GNRH1: variants seen among roughly 807,000 people sequenced by gnomAD.
GNRH1 encodes the protein progonadoliberin-1.
Under a neutral mutation model 13.6 loss-of-function variants are expected in GNRH1, and 9 were observed. The ratio of observed to expected loss-of-function variants is 0.66; its 90% CI spans 0.40 to 1.15. The LOEUF is 1.15. Among genes scored for constraint, GNRH1 ranks in the 50% most tolerant of loss-of-function variants. The pLI is 0.01. For missense variants in GNRH1, 116 were observed against 110.8 expected (o/e 1.05, Z -0.21); for synonymous variants, 44 against 40.1 (o/e 1.10, Z -0.37).
At chr8:25,422,383 TA>T (rs1801784498) in intron 2 of GNRH1, among the ~76,000 whole-genome samples, 1 of 152,026 alleles carries the variant, frequency 6.6e-6, no homozygotes, top group Non-Finnish European at 1.5e-5. Flanking sequence ...CCCATCTCTA[TA>T]AAAAGTTTTA....
At chr8:25,421,968 A>T (rs1175526707) in intron 2 of GNRH1, among the ~76,000 whole-genome samples, 1 of 150,704 alleles carries the variant, frequency 6.6e-6, no homozygotes, top group Non-Finnish European at 1.5e-5. Flanking sequence ...CCAAAAAAAC[A>T]AAAAGCAAAA....
Position 25,421,614 on chromosome 8 carries a change from G to T in GNRH1, c.196C>A (p.His66Asn). The T allele has an allele frequency of 6.2e-7, 1 of 1,606,438 alleles. No homozygotes were observed. The highest frequency in any genetic ancestry group is 8.5e-7 in the Non-Finnish European group (1 of 1,174,802). ...TCTCGGAGGGGAGAACGTGGCTGGTGCGTGGTGCATTCGAAGCGTTGGGTT... is the reference window on the plus strand; with the variant it reads ...TCTCGGAGGGGAGAACGTGGCTGGTTCGTGGTGCATTCGAAGCGTTGGGTT... ...AETQRFECTT[H>N]QPRSPLRDLK... The change falls in exon 3 of 4, where the codon CAC becomes AAC. Residue 66 changes from histidine to asparagine, a missense_variant. Transcript: ENST00000421054.
chr8:25,423,403 G>A (rs999827521), intron 1 of GNRH1, 72 bp from the exon 2 acceptor site: 9 of 1,313,118 alleles, frequency 6.9e-6, no homozygotes, highest in Middle Eastern at 1.8e-4. Context: ...CCTCTTTAGT[G>A]AAAAAGCTAG....
In GNRH1 at chr8:25,423,337, G is replaced by A. The variant is rs1384525801; in HGVS notation, c.-1-6C>T. On this transcript the variant is annotated splice_region_variant and splice_polypyrimidine_tract_variant and intron_variant, in intron 1 of 3. Transcript: ENST00000421054. ...GTTTTTGAATTGGCTTCATTCTAAGGCACATGAATGCACAATCAAATTAGA... is the reference window on the plus strand; with the variant it reads ...GTTTTTGAATTGGCTTCATTCTAAGACACATGAATGCACAATCAAATTAGA... 1 of 1,610,206 alleles carries A rather than the reference G, an allele frequency of 6.2e-7. No individual in the cohort carries two copies. The highest frequency in any genetic ancestry group is 8.5e-7 in the Non-Finnish European group (1 of 1,176,620).
Position 25,421,676 on chromosome 8 carries a change from AAG to A in GNRH1, c.142-10_142-9del. 7.0e-7 allele frequency: 1 copy of A among 1,432,634 alleles called. No homozygotes were observed. The highest frequency in any genetic ancestry group is 9.8e-7 in the Non-Finnish European group (1 of 1,016,792). 88.7% of individuals were successfully genotyped at this position (1,432,634 alleles called of 1,614,324 possible). ...ACCAACCTCTTTGACTATCTGAAGA[AAG>A]AGAATGTGATGCTTTGAGATGGAGA... On this transcript the variant is annotated splice_polypyrimidine_tract_variant and intron_variant, in intron 2 of 3. Transcript: ENST00000421054.
chr8:25,423,780 A>C (rs1034775671), intron 1 of GNRH1: 1 of 218,254 alleles, frequency 4.6e-6, no homozygotes, highest in Non-Finnish European at 9.2e-6. Context: ...TTGACATTAC[A>C]TGGCTACCCC....
Position 25,423,257 on chromosome 8 carries a change from T to G in GNRH1, c.74A>C (p.His25Pro), listed in dbSNP as rs1269113498. 6.2e-7 allele frequency: 1 copy of G among 1,612,332 alleles called. No homozygotes were observed. Among genetic ancestry groups the G allele is most frequent in the Non-Finnish European group, 8.5e-7 (1 of 1,178,330 alleles). Reference protein sequence around the residue: ...TWCVEGCSSQHWSYGLRPGGK... With the variant: ...TWCVEGCSSQPWSYGLRPGGK... Reference sequence around the variant, plus strand: ...TCCAGGGCGCAGTCCATAGGACCAGTGCTGGCTGGAGCAGCCTTCCACGCA... The same window carrying G: ...TCCAGGGCGCAGTCCATAGGACCAGGGCTGGCTGGAGCAGCCTTCCACGCA... Residue 25 changes from histidine to proline, a missense_variant, in exon 2 of 4, where the codon CAC (histidine) becomes CCC (proline). By Grantham distance (77) the His-to-Pro change is moderately conservative. Coordinates refer to ENST00000421054, the MANE Select transcript of GNRH1 (RefSeq NM_001083111.2).
At chr8:25,420,923 A>G (rs1176104333) in intron 3 of GNRH1, among the ~76,000 whole-genome samples, 1 of 152,202 alleles carries the variant, frequency 6.6e-6, no homozygotes, top group Non-Finnish European at 1.5e-5. Context: ...GATTCAATTT[A>G]TACATTCAAT....
chr8:25,423,068 C>T (rs1353838720), intron 2 of GNRH1, 122 bp downstream of exon 2: 1 of 821,158 alleles, frequency 1.2e-6, no homozygotes, highest in South Asian at 1.3e-5. Flanking sequence ...AGTGCCTTAT[C>T]TCACCTGGAG....
rs1223801793 is a variant in GNRH1, at chr8:25,423,191, T to C, written c.140A>G (p.Glu47Gly). ...ATTTTGAAGCTGAGAGAAACTTACCTCTTGGAAAGAATCAATCAAATTTTC... is the reference window on the plus strand; with the variant it reads ...ATTTTGAAGCTGAGAGAAACTTACCCCTTGGAAAGAATCAATCAAATTTTC... The part of the protein sequence containing the change: ...DAENLIDSFQ[E>G]IVKEVGQLAE... The change falls in exon 2 of 4, where the codon GAG (glutamate) becomes GGG (glycine). Residue 47 changes from glutamate to glycine, a missense_variant and splice_region_variant. Transcript: ENST00000421054. 6.2e-7 allele frequency: 1 copy of C among 1,607,570 alleles called. No homozygotes were observed. Among genetic ancestry groups the C allele is most frequent in the Non-Finnish European group, 8.5e-7 (1 of 1,174,142 alleles).
intron 3 of GNRH1, among the ~76,000 whole-genome samples, 184 bp from the exon 4 acceptor site, chr8:25,419,644 C>T (rs1359665252): frequency 6.7e-6 from 1 of 148,996 alleles, no homozygotes; most frequent in East Asian, 2.0e-4. Context: ...TTTTTTGAGA[C>T]AGAACCTCAC....
Position 25,421,742 on chromosome 8 carries a change from A to G in GNRH1, c.142-74T>C, listed in dbSNP as rs1801776598. ...TGGTGTTTTCCATTTCCACCAAAAA[A>G]TTGTGGAGAGTGGGGTCAAGGGGGA... is the stretch of plus-strand genomic sequence containing the variant. On this transcript the variant is annotated intron_variant, in intron 2 of 3. Transcript: ENST00000421054. 7.0e-5 allele frequency: 30 copies of G among 430,946 alleles called. 1 individual carries two copies. Among genetic ancestry groups the G allele is most frequent in the South Asian group, 5.1e-4 (30 of 58,256 alleles). 26.7% of individuals were successfully genotyped at this position (430,946 alleles called of 1,614,324 possible).
chr8:25,419,749 G>C (rs1004042830), intron 3 of GNRH1, among the ~76,000 whole-genome samples: 1 of 151,786 alleles, frequency 6.6e-6, no homozygotes, highest in African/African-American at 2.4e-5. Flanking sequence ...AGCCTCTCTA[G>C]TAGTTGGGAT....
At chr8:25,420,953 C>CA (rs1801762250) in intron 3 of GNRH1, among the ~76,000 whole-genome samples, 1 of 152,068 alleles carries the variant, frequency 6.6e-6, no homozygotes, top group African/African-American at 2.4e-5. Flanking sequence ...ACTTTTTCAT[C>CA]AAAAACCTAA....
In GNRH1 at chr8:25,423,798, T is replaced by C. The variant is rs890383544; in HGVS notation, c.-2+403A>G. ...ACATTACATGGCTACCCCATGGTAC[T>C]AATGACATTTTTCTATTTATCCTTC... On this transcript the variant is annotated intron_variant, in intron 1 of 3. Transcript: ENST00000421054. The C allele has an allele frequency of 3.3e-4, 64 of 194,292 alleles. 1 individual carries two copies. The highest frequency in any genetic ancestry group is 3.3e-3 in the Admixed American group (60 of 18,436). 12.0% of individuals were successfully genotyped at this position (194,292 alleles called of 1,614,324 possible).
rs768548646 is a variant in GNRH1 at position 25,421,577 on chromosome 8, G to A, written c.233C>T (p.Ala78Val). The A allele has an allele frequency of 1.3e-6, 2 of 1,546,146 alleles. No individual in the cohort carries two copies. Among genetic ancestry groups the A allele is most frequent in the Admixed American group, 1.7e-5 (1 of 59,872 alleles). Reference sequence around the variant, plus strand: ...GTTATGATCACTTTAACTTACCAGAGCTCCTTTCAGGTCTCGGAGGGGAGA... The same window carrying A: ...GTTATGATCACTTTAACTTACCAGAACTCCTTTCAGGTCTCGGAGGGGAGA... ...PRSPLRDLKGALESLIEEETG... is the reference protein window; with the variant it reads ...PRSPLRDLKGVLESLIEEETG... Residue 78 changes from alanine to valine, a missense_variant, in exon 3 of 4, where the codon GCT becomes GTT. Ala to Val is a moderately conservative substitution (Grantham distance 64, BLOSUM62 0). Transcript: ENST00000421054.
At chr8:25,421,516 G>T in intron 3 of GNRH1, 57 bp downstream of exon 3, 2 of 910,356 alleles carry the variant, frequency 2.2e-6, no homozygotes, top group East Asian at 2.4e-5. Context: ...GATCCCCAAA[G>T]GCTTATCCAC....
chr8:25,423,167 T>C, intron 2 of GNRH1, 23 bp downstream of exon 2: 1 of 1,546,440 alleles, frequency 6.5e-7, no homozygotes, highest in East Asian at 2.2e-5. Context: ...CTATGTCTTA[T>C]TTTGAAGCTG....
intron 2 of GNRH1, among the ~76,000 whole-genome samples, chr8:25,422,586 C>T (rs971793706): frequency 3.3e-5 from 5 of 152,096 alleles, no homozygotes; most frequent in Non-Finnish European, 7.4e-5. Flanking sequence ...AAGTACCTCA[C>T]GTTAGTGTTG....
Sources: allele counts gnomAD v4.1 joint callset (sites outside exome capture counted in the v4.1 genomes callset), GRCh38; gene constraint gnomAD v4.1.1; transcripts MANE v1.5; gene names NCBI Gene and HGNC (gene_info 2026-07-23, HGNC 2026-07-21).